The following CDK13 variants were observed in gnomAD, a reference collection of about 807,000 sequenced individuals.
CDK13 encodes the protein cyclin dependent kinase 13, also known as cyclin-dependent kinase 13.
Under a neutral mutation model 137.6 loss-of-function variants are expected in CDK13, and 40 were observed. The ratio of observed to expected loss-of-function variants is 0.29; its 90% CI spans 0.23 to 0.38. The LOEUF (loss-of-function observed/expected upper bound fraction) is 0.38, where lower values mean the gene tolerates loss of function less well. CDK13 is among the 10% of genes least tolerant of loss of function. The probability of loss-of-function intolerance (pLI) is 1.00; values close to 1 mark genes in which losing one functional copy is unlikely to be tolerated. For missense variants in CDK13, 1,704 were observed against 1,951.8 expected, an observed-to-expected ratio of 0.87 and a Z score of 2.39; for synonymous variants, 869 against 760.1, an observed-to-expected ratio of 1.14 and a Z score of -2.36.
chr7:40,094,014 TG>T (rs2150548157), intron 13 of CDK13, 115 bp from the exon 14 acceptor site: 1 of 1,239,710 alleles, frequency 8.1e-7, no homozygotes, highest in South Asian at 1.6e-5. Context: ...TTTAACATTT[TG>T]CCAGAGATGG....
At chr7:39,970,626 A>G (rs1783978246) in intron 1 of CDK13, among the ~76,000 whole-genome samples, 1 of 151,808 alleles carries the variant, frequency 6.6e-6, no homozygotes, top group African/African-American at 2.4e-5. Flanking sequence ...ACGCCCAGCT[A>G]ATTTTTGTAT....
chr7:40,037,238 A>G (rs766676628), intron 5 of CDK13, among the ~76,000 whole-genome samples: 1 of 152,190 alleles, frequency 6.6e-6, no homozygotes, highest in Non-Finnish European at 1.5e-5. Flanking sequence ...TTCTGTGGGC[A>G]GGAATTTGGG....
In CDK13 at chr7:39,951,118, G is replaced by T. The variant is rs1472218280; in HGVS notation, c.477G>T (p.Leu159=). 31 of 1,242,994 alleles carry T rather than the reference G, an allele frequency of 2.5e-5. No individual in the cohort carries two copies. The highest frequency in any genetic ancestry group is 3.7e-5 in the South Asian group (1 of 26,920). The allele number at this position is 1,242,994 out of a possible 1,614,324, so 77.0% of individuals were successfully genotyped here. The change falls in exon 1 of 14, where the codon CTG becomes CTT. Residue 159 remains leucine (L), a synonymous_variant. Transcript: ENST00000181839. ...CCCAGTCCGAGCAGGGGCTGCTGCT[G>T]GGGGGGGCCAGCGCGGCAACGGCGG... ...VSSQSEQGLL[L]GGASAATAAT... is the part of the protein sequence containing the mutation.
At chr7:39,976,894 C>T (rs1172207937) in intron 1 of CDK13, among the ~76,000 whole-genome samples, 1 of 152,068 alleles carries the variant, frequency 6.6e-6, no homozygotes. Flanking sequence ...GTGAATAAAA[C>T]ACTGAATTAT....
chr7:40,093,458 A>G (rs1174184219), intron 13 of CDK13, among the ~76,000 whole-genome samples: 1 of 152,198 alleles, frequency 6.6e-6, no homozygotes, highest in Non-Finnish European at 1.5e-5. Context: ...AATGATAAAG[A>G]TATTTCTAAG....
intron 5 of CDK13, among the ~76,000 whole-genome samples, chr7:40,043,068 A>G (rs1429771515): frequency 6.6e-6 from 1 of 152,192 alleles, no homozygotes; most frequent in East Asian, 1.9e-4. Flanking sequence ...GTGAGCTACC[A>G]TGCGCAGCCA....
At chr7:39,988,308 T>G (rs780818747) in intron 2 of CDK13, 50 bp downstream of exon 2, 130 of 1,443,746 alleles carry the variant, frequency 9.0e-5, no homozygotes, top group Non-Finnish European at 1.9e-6. Context: ...AAAATGTAAG[T>G]CTGAAGTGAG....
chr7:39,960,913 G>A (rs1255308205), intron 1 of CDK13, among the ~76,000 whole-genome samples: 2 of 152,082 alleles, frequency 1.3e-5, no homozygotes, highest in African/African-American at 2.4e-5. Context: ...ATATGTTTAT[G>A]TGTGTGATGT....
chr7:40,052,703 A>G (rs1785920539), intron 7 of CDK13, among the ~76,000 whole-genome samples: 1 of 152,214 alleles, frequency 6.6e-6, no homozygotes, highest in Non-Finnish European at 1.5e-5. Flanking sequence ...TGTTATTGAA[A>G]GCAAAACTAA....
chr7:40,052,514 A>C (rs1443463113), intron 7 of CDK13, among the ~76,000 whole-genome samples: 1 of 152,092 alleles, frequency 6.6e-6, no homozygotes, highest in Non-Finnish European at 1.5e-5. Context: ...CTATGATCAA[A>C]ATGAAAGTTT....
intron 1 of CDK13, among the ~76,000 whole-genome samples, chr7:39,982,725 G>A (rs1226348908): frequency 3.3e-5 from 5 of 152,116 alleles, no homozygotes; most frequent in African/African-American, 1.2e-4. Flanking sequence ...GTGTGAGATG[G>A]TATCTCATTG....
chr7:39,999,255 G>A, intron 3 of CDK13, 106 bp from the exon 4 acceptor site: 3 of 882,568 alleles, frequency 3.4e-6, no homozygotes, highest in South Asian at 2.1e-5. Flanking sequence ...CAAGGGTAGG[G>A]AAAAATAAAG....
chr7:40,066,031 C>G (rs1786272317), intron 9 of CDK13, among the ~76,000 whole-genome samples: 1 of 152,002 alleles, frequency 6.6e-6, no homozygotes, highest in Non-Finnish European at 1.5e-5. Context: ...CAAATTAAAA[C>G]AAACAAACAA....
rs572211941 is a variant in CDK13 at position 40,030,918 on chromosome 7, A to G, written c.2354-14918A>G. Among the ~76,000 whole-genome samples the G allele has an allele frequency of 2.0e-5, 3 of 152,342 alleles. No homozygotes were observed. In the South Asian group the frequency reaches 6.2e-4, roughly 32 times the overall value. ...CCACAGTTCGTTGAACCATTCACCC[A>G]CTGAAGGATATTTTGGGTACTTCCA... On this transcript the variant is annotated intron_variant, in intron 5 of 13. Transcript: ENST00000181839.
intron 9 of CDK13, among the ~76,000 whole-genome samples, chr7:40,064,284 CAAAAAAAA>C (rs1388646828): frequency 1.7e-5 from 1 of 59,766 alleles, no homozygotes; most frequent in African/African-American, 4.2e-5. Flanking sequence ...AATTATGTCT[CAAAAAAAA>C]AAAAAAAAAA....
intron 1 of CDK13, among the ~76,000 whole-genome samples, chr7:39,974,570 T>TTTTTTG (rs1784067025): frequency 5.2e-5 from 7 of 133,700 alleles, no homozygotes; most frequent in Admixed American, 7.3e-5. Flanking sequence ...TTTTTTTTTT[T>TTTTTTG]TTTTTGTTTT....
At chr7:40,058,876 T>C (rs17171649) in intron 7 of CDK13, among the ~76,000 whole-genome samples, 1 of 151,984 alleles carries the variant, frequency 6.6e-6, no homozygotes, top group Admixed American at 6.5e-5. Flanking sequence ...GCATTTTGTG[T>C]ATATGATGAA....
intron 5 of CDK13, among the ~76,000 whole-genome samples, chr7:40,041,599 A>C (rs554268084): frequency 6.7e-4 from 102 of 152,308 alleles, no homozygotes; most frequent in Non-Finnish European, 1.1e-3. Flanking sequence ...AGTGGCTAGT[A>C]GCTACTGTAT....
intron 5 of CDK13, among the ~76,000 whole-genome samples, chr7:40,033,109 C>T (rs1435057741): frequency 6.6e-6 from 1 of 152,098 alleles, no homozygotes; most frequent in Non-Finnish European, 1.5e-5. Flanking sequence ...GTGTGAGCCA[C>T]CATGTTTGGC....
Sources: gnomAD v4.1 joint callset for allele counts (sites outside exome capture counted in the v4.1 genomes callset) on GRCh38, gnomAD v4.1.1 for gene constraint, MANE v1.5 for transcripts, NCBI Gene and HGNC (gene_info 2026-07-23, HGNC 2026-07-21) for gene names.